Variants in ZNF451 observed in about 807,000 individuals in gnomAD.
The protein encoded by ZNF451 is E3 SUMO-protein ligase ZNF451.
ZNF451 carries 80 observed loss-of-function variants against 107.1 expected under a neutral mutation model. The observed-to-expected ratio is 0.75, with a 90% CI of 0.62 to 0.90. The LOEUF is 0.90. Ranked by LOEUF, ZNF451 falls within the 40% of genes least tolerant of loss-of-function variation. The probability of loss-of-function intolerance (pLI) is 0.00; values close to 1 mark genes in which losing one functional copy is unlikely to be tolerated. For synonymous variants in ZNF451, 362 were observed against 406.5 expected, an observed-to-expected ratio of 0.89 and a Z score of 1.32; for missense variants, 1,107 against 1,236.2, an observed-to-expected ratio of 0.90 and a Z score of 1.57.
intron 14 of ZNF451, among the ~76,000 whole-genome samples, chr6:57,166,652 A>G (rs1262274988): frequency 6.6e-6 from 1 of 152,208 alleles, no homozygotes; most frequent in African/African-American, 2.4e-5. Context: ...ATAATAATAA[A>G]AAGTATAGTA....
chr6:57,105,618 A>G, intron 3 of ZNF451: 10 of 985,362 alleles, frequency 1.0e-5, no homozygotes, highest in Non-Finnish European at 1.2e-5. Flanking sequence ...TTAACTAACT[A>G]GACAGTAGTT....
chr6:57,152,412 C>T (rs1832394675), intron 12 of ZNF451, 61 bp downstream of exon 12: 9 of 1,589,910 alleles, frequency 5.7e-6, no homozygotes, highest in Non-Finnish European at 6.9e-6. Context: ...ATTTTTTTCC[C>T]CACTTGAATT....
intron 5 of ZNF451, among the ~76,000 whole-genome samples, chr6:57,129,701 C>G (rs910892637): frequency 6.6e-6 from 1 of 152,060 alleles, no homozygotes; most frequent in Admixed American, 6.6e-5. Flanking sequence ...CCATTTGATA[C>G]CTGACATAAT....
chr6:57,124,837 AAG>A lies in ZNF451; in HGVS notation c.294_295del (p.Lys99GlufsTer2), dbSNP rs1830849286. 1 of 1,610,664 alleles carries A rather than the reference AAG, an allele frequency of 6.2e-7. No individual in the cohort carries two copies. The highest frequency in any genetic ancestry group is 2.2e-5 in the East Asian group (1 of 44,758). ...GTTGAAGTGGAGAAACAGCAGAAAG[AAG>A]AGAAGAATAGAGCATTCAGAGTATG... On this transcript the variant is annotated frameshift_variant, in exon 4 of 15. Transcript: ENST00000370706. LOFTEE classifies it high-confidence loss of function.
chr6:57,131,355 C>A (rs1362354870), intron 5 of ZNF451, among the ~76,000 whole-genome samples: 1 of 152,070 alleles, frequency 6.6e-6, no homozygotes, highest in Non-Finnish European at 1.5e-5. Flanking sequence ...GGGGAAGCCT[C>A]CCCACCCCTC....
intron 3 of ZNF451, chr6:57,115,368 C>T (rs1018912240): frequency 2.6e-5 from 4 of 152,118 alleles, no homozygotes; most frequent in East Asian, 3.9e-4. Context: ...GATTTTGTGT[C>T]AGGTTGTCAT....
chr6:57,133,331 A>G (rs1831272669), intron 6 of ZNF451, 139 bp downstream of exon 6: 2 of 916,174 alleles, frequency 2.2e-6, no homozygotes, highest in Non-Finnish European at 3.1e-6. Context: ...TTGTGCCATT[A>G]TGATATAATT....
At chr6:57,137,203 T>C (rs999661069) in intron 7 of ZNF451, among the ~76,000 whole-genome samples, 3 of 152,250 alleles carry the variant, frequency 2.0e-5, no homozygotes, top group African/African-American at 7.2e-5. Flanking sequence ...TTGCCTCTTT[T>C]AAATCAACAA....
chr6:57,106,684 T>C, intron 3 of ZNF451: 1 of 985,208 alleles, frequency 1.0e-6, no homozygotes, highest in East Asian at 1.1e-4. Context: ...TCTTGTCTTT[T>C]GGAATCTATC....
intron 3 of ZNF451, chr6:57,108,149 G>C (rs765176184): frequency 3.0e-6 from 3 of 985,314 alleles, no homozygotes; most frequent in Non-Finnish European, 3.6e-6. Context: ...TGTATTTGGT[G>C]ATATTTTAAA....
chr6:57,136,714 A>G (rs917580467), intron 7 of ZNF451, among the ~76,000 whole-genome samples: 4 of 152,212 alleles, frequency 2.6e-5, no homozygotes, highest in Non-Finnish European at 5.9e-5. Flanking sequence ...TGTTTTCTCT[A>G]CTATAATGAG....
intron 3 of ZNF451, chr6:57,101,256 G>A (rs200941400): frequency 5.2e-5 from 81 of 1,551,066 alleles, no homozygotes; most frequent in African/African-American, 1.2e-4. Flanking sequence ...AATCTGAAGC[G>A]GAGTCATGTG....
intron 3 of ZNF451, among the ~76,000 whole-genome samples, chr6:57,117,757 T>C (rs1830441080): frequency 6.6e-6 from 1 of 152,196 alleles, no homozygotes; most frequent in Admixed American, 6.5e-5. Flanking sequence ...TAGTATGCTT[T>C]AAAGTAAACA....
chr6:57,150,302 C>G (rs1832284262), intron 10 of ZNF451, among the ~76,000 whole-genome samples: 1 of 152,126 alleles, frequency 6.6e-6, no homozygotes, highest in African/African-American at 2.4e-5. Flanking sequence ...GGGAAAAGAA[C>G]CAAATTCTGG....
intron 13 of ZNF451, among the ~76,000 whole-genome samples, chr6:57,155,994 C>T (rs751373000): frequency 1.3e-5 from 2 of 151,626 alleles, no homozygotes; most frequent in East Asian, 1.9e-4. Flanking sequence ...CCTAGCAGCG[C>T]GATTTCAGGC....
intron 3 of ZNF451, chr6:57,102,801 T>C (rs1829669248): frequency 1.0e-6 from 1 of 985,446 alleles, no homozygotes. Flanking sequence ...ACCTGTAACA[T>C]CTCTGTAGAA....
At chr6:57,101,466 A>C in intron 3 of ZNF451, 2 of 1,550,930 alleles carry the variant, frequency 1.3e-6, no homozygotes, top group Non-Finnish European at 1.7e-6. Flanking sequence ...CCATTGTAGA[A>C]GCATTAGAAC....
At chr6:57,159,523 G>GAA in intron 13 of ZNF451, 1 of 186,948 alleles carries the variant, frequency 5.3e-6, no homozygotes, top group Non-Finnish European at 9.3e-6. Context: ...AACATTATAA[G>GAA]AGTTTTTTTT....
At chr6:57,101,175 CAGCCA>C in intron 3 of ZNF451, 3 of 1,550,728 alleles carry the variant, frequency 1.9e-6, no homozygotes, top group Non-Finnish European at 2.6e-6. Flanking sequence ...CATCTGACCC[CAGCCA>C]ATCTAGTTTC....
Sources: allele counts gnomAD v4.1 joint callset (sites outside exome capture counted in the v4.1 genomes callset), GRCh38; gene constraint gnomAD v4.1.1; transcripts MANE v1.5; gene names NCBI Gene and HGNC (gene_info 2026-07-23, HGNC 2026-07-21).